Variants in CCDC3 observed in about 807,000 individuals in gnomAD.
The protein encoded by CCDC3 is coiled-coil domain-containing protein 3.
In CCDC3, 24 loss-of-function variants were observed where a neutral mutation model predicts 21.4. The ratio of observed to expected loss-of-function variants is 1.12; its 90% CI spans 0.81 to 1.58. The LOEUF (loss-of-function observed/expected upper bound fraction) is 1.58, where lower values mean the gene tolerates loss of function less well. Among genes scored for constraint, CCDC3 ranks in the 40% most tolerant of loss-of-function variants. The pLI, the probability that CCDC3 is intolerant of heterozygous loss-of-function variation, is 0.00. For synonymous variants in CCDC3, 186 were observed against 166.0 expected (o/e 1.12, Z -0.93); for missense variants, 425 against 360.9 (o/e 1.18, Z -1.44).
At chr10:13,070,986 GA>G (rs925354573) in intron 4 of CCDC3, among the ~76,000 whole-genome samples, 2 of 152,026 alleles carry the variant, frequency 1.3e-5, no homozygotes, top group African/African-American at 4.8e-5. Flanking sequence ...CTGCAGCTCA[GA>G]AAAAAACAAA....
intron 2 of CCDC3, among the ~76,000 whole-genome samples, chr10:12,956,291 T>C (rs975998858): frequency 6.6e-6 from 1 of 152,216 alleles, no homozygotes; most frequent in Non-Finnish European, 1.5e-5. Context: ...CTGAGGGAGC[T>C]AGGCCAATTA....
At chr10:13,015,145 G>C (rs1375628064) in intron 5 of CCDC3, among the ~76,000 whole-genome samples, 1 of 152,048 alleles carries the variant, frequency 6.6e-6, no homozygotes, top group Non-Finnish European at 1.5e-5. Flanking sequence ...GTGCTGGGTT[G>C]ACTTCAGTGG....
intron 5 of CCDC3, among the ~76,000 whole-genome samples, chr10:13,029,973 T>C (rs983934789): frequency 9.2e-5 from 14 of 151,974 alleles, no homozygotes; most frequent in Non-Finnish European, 1.5e-4. Context: ...AACATTCAAA[T>C]TCAGGAAATA....
intron 2 of CCDC3, among the ~76,000 whole-genome samples, chr10:12,946,779 T>C (rs1589017116): frequency 1.3e-5 from 2 of 152,224 alleles, no homozygotes; most frequent in East Asian, 3.9e-4. Context: ...TTCTGTCTTC[T>C]GCCTTTTCCC....
rs565704643 is a variant in CCDC3, at chr10:12,899,558, A to G, written c.550-879T>C. ...GGGAACAAAAAATACCCATCAAGAG[A>G]GGTCTGGTTCCATAAATTATAGTAA... is the stretch of plus-strand genomic sequence containing the variant. On this transcript the variant is annotated intron_variant, in intron 2 of 2. Transcript: ENST00000378825. 2.0e-5 allele frequency among the ~76,000 whole-genome samples: 3 copies of G among 152,020 alleles called. No homozygotes were observed. In the East Asian group the frequency reaches 5.8e-4, roughly 30 times the overall value.
At chr10:12,974,285 G>T (rs78873219) in intron 2 of CCDC3, among the ~76,000 whole-genome samples, 1 of 152,200 alleles carries the variant, frequency 6.6e-6, no homozygotes, top group Non-Finnish European at 1.5e-5. Flanking sequence ...GGAGGGGGCC[G>T]CTTTCTGAAC....
At position 12,930,643 on chromosome 10, in the gene CCDC3, C is replaced by T. The variant is rs143686593; in HGVS notation, c.550-31964G>A. On this transcript the variant is annotated intron_variant, in intron 2 of 2. Transcript: ENST00000378825. ...TCTCAACCGGTGGCAATGTCATTGC[C>T]CTGGGGACAGTTGGCAGTGTTCGGA... 7.4e-4 allele frequency among the ~76,000 whole-genome samples: 113 copies of T among 152,220 alleles called. 1 individual carries two copies. Among genetic ancestry groups the T allele is most frequent in the African/African-American group, 2.6e-3 (106 of 41,534 alleles).
intron 2 of CCDC3, among the ~76,000 whole-genome samples, chr10:12,899,594 T>C (rs574673968): frequency 6.6e-6 from 1 of 152,324 alleles, no homozygotes; most frequent in South Asian, 2.1e-4. Context: ...ATCTACACAA[T>C]GCAAAGGTTT....
At chr10:12,976,081 C>G (rs1835413601) in intron 2 of CCDC3, among the ~76,000 whole-genome samples, 1 of 152,208 alleles carries the variant, frequency 6.6e-6, no homozygotes, top group Non-Finnish European at 1.5e-5. Flanking sequence ...CAGCTCACAC[C>G]CTTGCTCACT....
intron 5 of CCDC3, among the ~76,000 whole-genome samples, chr10:13,046,509 C>A (rs929314751): frequency 1.3e-5 from 2 of 151,220 alleles, no homozygotes; most frequent in Non-Finnish European, 2.9e-5. Context: ...TCAAGACCAG[C>A]CTGGCCAATG....
intron 1 of CCDC3, among the ~76,000 whole-genome samples, chr10:13,000,742 A>C (rs543476851): frequency 5.3e-5 from 8 of 152,262 alleles, no homozygotes; most frequent in African/African-American, 1.9e-4. Context: ...CTCACTTTAC[A>C]CAGGTGAGGC....
At chr10:12,922,587 G>C (rs192274469) in intron 2 of CCDC3, among the ~76,000 whole-genome samples, 56 of 152,234 alleles carry the variant, frequency 3.7e-4, no homozygotes, top group African/African-American at 1.2e-3. Context: ...TTCTATTCTA[G>C]AAGACAACCT....
At chr10:12,998,043 G>C (rs1452958534) in intron 2 of CCDC3, among the ~76,000 whole-genome samples, 2 of 152,204 alleles carry the variant, frequency 1.3e-5, no homozygotes, top group Non-Finnish European at 2.9e-5. Flanking sequence ...TATTGTCCCT[G>C]TTCTGTAGAA....
chr10:12,912,495 G>C (rs932836215), intron 2 of CCDC3, among the ~76,000 whole-genome samples: 3 of 151,908 alleles, frequency 2.0e-5, no homozygotes, highest in African/African-American at 4.8e-5. Flanking sequence ...TTGGGTGTTT[G>C]GTTTCTTTTG....
Position 12,896,645 on chromosome 10 carries a change from C to T in CCDC3, c.*1771G>A, listed in dbSNP as rs1438278142. 4.6e-5 allele frequency: 7 copies of T among 152,644 alleles called. No homozygotes were observed. Among genetic ancestry groups the T allele is most frequent in the African/African-American group, 1.4e-4 (6 of 41,438 alleles). The allele number at this position is 152,644 out of a possible 1,614,324, so 9.5% of individuals were successfully genotyped here. A position where few individuals can be genotyped will look rare whatever the true frequency, so the allele number is the denominator to read the frequency against. ...CACTGTTGTGGTTGAAATCGCCGCT[C>T]GTATTTATTGGAAAAGCAGAACAGT... On this transcript the variant is annotated 3_prime_UTR_variant, in exon 3 of 3. Coordinates refer to ENST00000378825, the MANE Select transcript of CCDC3 (RefSeq NM_031455.4).
At chr10:12,915,090 C>T (rs1001768376) in intron 2 of CCDC3, among the ~76,000 whole-genome samples, 3 of 151,788 alleles carry the variant, frequency 2.0e-5, no homozygotes, top group Non-Finnish European at 4.4e-5. Flanking sequence ...TTTCTTTGAC[C>T]CATTGGTGTT....
chr10:12,898,764 G>A (rs920093453), intron 2 of CCDC3, 85 bp from the exon 3 acceptor site: 1 of 1,501,242 alleles, frequency 6.7e-7, no homozygotes, highest in Admixed American at 2.0e-5. Context: ...GCTTCCCCGA[G>A]TGCTGACAGC....
intron 4 of CCDC3, among the ~76,000 whole-genome samples, chr10:13,053,065 CT>C (rs1836633581): frequency 6.6e-6 from 1 of 151,772 alleles, no homozygotes; most frequent in Non-Finnish European, 1.5e-5. Context: ...GTTTTGGATA[CT>C]TCTGGTCCCA....
At chr10:13,087,112 G>A (rs1164222324) in intron 3 of CCDC3, among the ~76,000 whole-genome samples, 1 of 152,104 alleles carries the variant, frequency 6.6e-6, no homozygotes, top group African/African-American at 2.4e-5. Flanking sequence ...CATAAAAGGT[G>A]CTAGGAACAA....
Sources: allele counts gnomAD v4.1 joint callset (sites outside exome capture counted in the v4.1 genomes callset), GRCh38; gene constraint gnomAD v4.1.1; transcripts MANE v1.5; gene names NCBI Gene and HGNC (gene_info 2026-07-23, HGNC 2026-07-21).